The following VWA3B variants were observed in gnomAD, a reference collection of about 807,000 sequenced individuals.
VWA3B encodes von Willebrand factor A domain containing 3B.
A neutral mutation model predicts 158.3 loss-of-function variants in VWA3B; 138 were observed. The observed-to-expected ratio is 0.87, with a 90% CI of 0.76 to 1.00. The LOEUF (loss-of-function observed/expected upper bound fraction) is 1.00. Among genes scored for constraint, VWA3B ranks in the 50% least tolerant of loss-of-function variants. The probability of loss-of-function intolerance (pLI) is 0.00; values close to 1 mark genes in which losing one functional copy is unlikely to be tolerated. For synonymous variants in VWA3B, 596 were observed against 587.3 expected, an observed-to-expected ratio of 1.01 and a Z score of -0.21; for missense variants, 1,555 against 1,565.1, an observed-to-expected ratio of 0.99 and a Z score of 0.11.
the VWA3B span, among the ~76,000 whole-genome samples, chr2:98,321,352 G>A: frequency 1.3e-5 from 2 of 152,180 alleles, no homozygotes; most frequent in Non-Finnish European, 2.9e-5. Flanking sequence ...TTGCCTAGTG[G>A]AGCTGTGAGA....
chr2:98,123,158 G>C (rs557992869), intron 5 of VWA3B, among the ~76,000 whole-genome samples: 8 of 152,320 alleles, frequency 5.3e-5, no homozygotes, highest in Middle Eastern at 3.4e-3. Context: ...CCATCCCAGC[G>C]AGTTCTGAAT....
intron 12 of VWA3B, among the ~76,000 whole-genome samples, chr2:98,211,238 G>A (rs933179520): frequency 6.6e-5 from 10 of 152,184 alleles, no homozygotes; most frequent in Non-Finnish European, 1.5e-4. Flanking sequence ...GTGATACAAC[G>A]GAACTGAGAT....
chr2:98,135,013 C>G (rs1004623682), intron 7 of VWA3B, among the ~76,000 whole-genome samples: 2 of 151,958 alleles, frequency 1.3e-5, no homozygotes, highest in East Asian at 3.9e-4. Flanking sequence ...CCAGAGAATT[C>G]GAGAAAATGC....
chr2:98,257,263 G>A (rs1558734486), intron 21 of VWA3B, among the ~76,000 whole-genome samples: 1 of 152,044 alleles, frequency 6.6e-6, no homozygotes, highest in Non-Finnish European at 1.5e-5. Context: ...ATGATATTAA[G>A]TGCTGCAAAT....
chr2:98,183,886 G>A lies in VWA3B; in HGVS notation c.1311+2674G>A, dbSNP rs115734407. ...AAATGCATGTCTGAGCACAGTGCCC[G>A]GCACATAGGAGATGCCCCACAGATG... On this transcript the variant is annotated intron_variant, in intron 9 of 27. Transcript: ENST00000477737. 4.9e-3 allele frequency among the ~76,000 whole-genome samples: 753 copies of A among 152,314 alleles called. 4 individuals are homozygous for A. The highest frequency in any genetic ancestry group is 8.1e-3 in the Non-Finnish European group (554 of 68,030).
rs1471926898 is a variant in VWA3B at position 98,270,759 on chromosome 2, C to G, written c.2921C>G (p.Pro974Arg). The change falls in exon 22 of 28, where the codon CCC becomes CGC. Residue 974 changes from proline (P) to arginine (R), a missense_variant. Coordinates refer to ENST00000477737, the MANE Select transcript of VWA3B (RefSeq NM_144992.5). ...LNQALERLNW[P>R]ISLKELSMLE... is the part of the protein sequence containing the mutation. Reference sequence around the variant, plus strand: ...CAGGCTTTAGAACGGTTGAATTGGCCCATTTCACTGAAAGAGCTGTCGATG... The same window carrying G: ...CAGGCTTTAGAACGGTTGAATTGGCGCATTTCACTGAAAGAGCTGTCGATG... The G allele has an allele frequency of 2.5e-6, 4 of 1,614,094 alleles. No individual in the cohort carries two copies. In the South Asian group the frequency reaches 3.3e-5, roughly 13 times the overall value.
intron 2 of VWA3B, among the ~76,000 whole-genome samples, chr2:98,093,528 T>C (rs1258786449): frequency 6.6e-6 from 1 of 152,208 alleles, no homozygotes; most frequent in South Asian, 2.1e-4. Flanking sequence ...ACTTTTTAAA[T>C]TGACAGATAA....
chr2:98,107,716 C>T (rs141544113), intron 2 of VWA3B, among the ~76,000 whole-genome samples: 2 of 152,032 alleles, frequency 1.3e-5, no homozygotes, highest in African/African-American at 4.8e-5. Context: ...GTGGTATTTC[C>T]CATTTTATTC....
chr2:98,219,499 C>T (rs4132466), intron 14 of VWA3B, among the ~76,000 whole-genome samples: 7,196 of 151,966 alleles, frequency 0.047, 256 homozygotes, highest in Middle Eastern at 0.082. Flanking sequence ...TGGAAAAATC[C>T]GATCAGTCTA....
At chr2:98,141,330 C>G (rs370490038) in intron 7 of VWA3B, among the ~76,000 whole-genome samples, 27 of 152,308 alleles carry the variant, frequency 1.8e-4, no homozygotes, top group African/African-American at 5.8e-4. Flanking sequence ...GCAGGCTGTG[C>G]AAGCAGGGCA....
intron 1 of VWA3B, among the ~76,000 whole-genome samples, chr2:98,088,758 C>T (rs1446910589): frequency 6.6e-6 from 1 of 151,886 alleles, no homozygotes. Context: ...ATATATCCCC[C>T]TTTATTTTTT....
chr2:98,204,107 T>C (rs1395756188), intron 12 of VWA3B, among the ~76,000 whole-genome samples: 1 of 152,182 alleles, frequency 6.6e-6, no homozygotes, highest in Non-Finnish European at 1.5e-5. Context: ...TTGGTGTCCA[T>C]GGGGTTGGGA....
At chr2:98,170,411 A>C (rs895146828) in intron 8 of VWA3B, among the ~76,000 whole-genome samples, 8 of 152,226 alleles carry the variant, frequency 5.3e-5, no homozygotes, top group Non-Finnish European at 1.2e-4. Context: ...TCAAAAGACA[A>C]GGAAATGGCT....
At chr2:98,318,504 A>G in the VWA3B span, among the ~76,000 whole-genome samples, 1 of 152,212 alleles carries the variant, frequency 6.6e-6, no homozygotes, top group African/African-American at 2.4e-5. Context: ...CTCACTTATA[A>G]GTGGGAACTA....
At chr2:98,271,184 G>A (rs758208303) in intron 22 of VWA3B, among the ~76,000 whole-genome samples, 5 of 151,848 alleles carry the variant, frequency 3.3e-5, no homozygotes, top group South Asian at 4.2e-4. Flanking sequence ...AGAACTAGCC[G>A]CAGATCTACC....
intron 23 of VWA3B, among the ~76,000 whole-genome samples, chr2:98,296,788 G>T (rs1689826096): frequency 6.6e-6 from 1 of 151,926 alleles, no homozygotes. Flanking sequence ...TTTAATGGGA[G>T]GATAAATTTC....
intron 21 of VWA3B, 88 bp downstream of exon 21, chr2:98,256,262 G>A: frequency 7.1e-7 from 1 of 1,410,262 alleles, no homozygotes; most frequent in South Asian, 1.3e-5. Context: ...ACAATGCAGA[G>A]GTATTTAAAA....
chr2:98,156,304 T>A (rs1678068475), intron 7 of VWA3B, among the ~76,000 whole-genome samples: 1 of 152,220 alleles, frequency 6.6e-6, no homozygotes, highest in Non-Finnish European at 1.5e-5. Flanking sequence ...AGTTCCTAAG[T>A]CAGTGTCTTC....
chr2:98,198,549 A>T (rs202046721), intron 12 of VWA3B, among the ~76,000 whole-genome samples: 1 of 6,768 alleles, frequency 1.5e-4, no homozygotes, highest in Non-Finnish European at 2.7e-4. Flanking sequence ...TGCATGCAGT[A>T]AAAAAAAAAA....
Sources: gnomAD v4.1 joint callset for allele counts (sites outside exome capture counted in the v4.1 genomes callset) on GRCh38, gnomAD v4.1.1 for gene constraint, MANE v1.5 for transcripts, NCBI Gene and HGNC (gene_info 2026-07-23, HGNC 2026-07-21) for gene names.